The following ADSS2 variants were observed in gnomAD, a reference collection of about 807,000 sequenced individuals.
ADSS2 encodes adenylosuccinate synthetase isozyme 2.
ADSS2 carries 30 observed loss-of-function variants against 60.0 expected under a neutral mutation model. The observed-to-expected ratio is 0.50, with a 90% CI of 0.37 to 0.68. The LOEUF is 0.68. Ranked by LOEUF, ADSS2 falls within the 30% of genes least tolerant of loss-of-function variation. The pLI, the probability that ADSS2 is intolerant of heterozygous loss-of-function variation, is 0.00. For synonymous variants in ADSS2, 187 were observed against 193.1 expected (o/e 0.97, Z 0.26); for missense variants, 373 against 554.8 (o/e 0.67, Z 3.29).
intron 1 of ADSS2, among the ~76,000 whole-genome samples, chr1:244,443,901 CAACA>C (rs1222344412): frequency 6.6e-6 from 1 of 152,140 alleles, no homozygotes; most frequent in East Asian, 1.9e-4. Context: ...ATCAGTGCCA[CAACA>C]CTGCATGGCA....
intron 3 of ADSS2, among the ~76,000 whole-genome samples, chr1:244,434,257 G>A (rs937017525): frequency 6.6e-6 from 1 of 151,516 alleles, no homozygotes; most frequent in Non-Finnish European, 1.5e-5. Flanking sequence ...TCGGGAGGCC[G>A]AAGCAGGAGG....
chr1:244,430,983 T>C (rs1178035642), intron 4 of ADSS2, among the ~76,000 whole-genome samples: 1 of 151,964 alleles, frequency 6.6e-6, no homozygotes, highest in Non-Finnish European at 1.5e-5. Flanking sequence ...TAGCTGGGCA[T>C]GGTAGCACAC....
chr1:244,412,215 G>C (rs1393170999), intron 11 of ADSS2, among the ~76,000 whole-genome samples: 1 of 152,206 alleles, frequency 6.6e-6, no homozygotes, highest in Non-Finnish European at 1.5e-5. Flanking sequence ...GATCAGTGAA[G>C]GCTTTTTTGC....
chr1:244,410,251 A>G (rs1329529622), intron 12 of ADSS2, among the ~76,000 whole-genome samples: 1 of 152,220 alleles, frequency 6.6e-6, no homozygotes, highest in African/African-American at 2.4e-5. Context: ...GCAACTAGTA[A>G]TTTGGAAAAC....
intron 4 of ADSS2, among the ~76,000 whole-genome samples, chr1:244,425,485 A>G (rs1664783125): frequency 6.6e-6 from 1 of 152,210 alleles, no homozygotes; most frequent in African/African-American, 2.4e-5. Context: ...CTGTAAAAGA[A>G]CTATTTAGAA....
intron 5 of ADSS2, 26 bp from the exon 6 acceptor site, chr1:244,424,086 T>A (rs1469397418): frequency 5.1e-6 from 8 of 1,583,622 alleles, no homozygotes; most frequent in Admixed American, 1.8e-5. Flanking sequence ...AAACAAGCTT[T>A]AAGTCAGACA....
At position 244,411,198 on chromosome 1, in the gene ADSS2, G is replaced by A. The variant is rs557450945; in HGVS notation, c.1318+89C>T. 1.8e-4 allele frequency: 237 copies of A among 1,354,140 alleles called. 1 individual carries two copies. In the East Asian group the frequency reaches 5.3e-3, roughly 30 times the overall value. The allele number at this position is 1,354,140 out of a possible 1,614,324, so 83.9% of individuals were successfully genotyped here. On this transcript the variant is annotated intron_variant, in intron 12 of 12. Transcript: ENST00000366535. Reference sequence around the variant, plus strand: ...ATCCCGCCACTGCACTCCAGCCTGGGACAGAGCGAGACTCCGTCTCAAAAA... The same window carrying A: ...ATCCCGCCACTGCACTCCAGCCTGGAACAGAGCGAGACTCCGTCTCAAAAA...
At chr1:244,419,520 A>G (rs1259249669) in intron 8 of ADSS2, among the ~76,000 whole-genome samples, 1 of 152,212 alleles carries the variant, frequency 6.6e-6, no homozygotes, top group African/African-American at 2.4e-5. Context: ...TCAAAAATAC[A>G]TATCTACCAT....
chr1:244,451,197 G>A lies in ADSS2; in HGVS notation c.183+438C>T, dbSNP rs974998040. Reference sequence around the variant, plus strand: ...CACTCCGCCGCCCTGGGCGGGGCGGGGGGGCGGTGATGGGGGGTTCTGCCG... The same window carrying A: ...CACTCCGCCGCCCTGGGCGGGGCGGAGGGGCGGTGATGGGGGGTTCTGCCG... On this transcript the variant is annotated intron_variant, in intron 1 of 12. Transcript: ENST00000366535. The surrounding 1 kb of genome is among the most constrained non-coding windows in gnomAD (Gnocchi z 6.6). Among the ~76,000 whole-genome samples the A allele has an allele frequency of 6.6e-6, 1 of 152,052 alleles. No individual in the cohort carries two copies. The highest frequency in any genetic ancestry group is 1.5e-5 in the Non-Finnish European group (1 of 67,998).
rs151234694 is a variant in ADSS2, at chr1:244,442,518, A to G, written c.184-4750T>C. ...ATTTAAGTTGTTTCCGTATGGAAAC[A>G]TTGTTAAATATACCCAGAAACACCC... On this transcript the variant is annotated intron_variant, in intron 1 of 12. Transcript: ENST00000366535. Among the ~76,000 whole-genome samples the G allele has an allele frequency of 3.4e-3, 511 of 152,338 alleles. 5 individuals are homozygous for G. Among genetic ancestry groups the G allele is most frequent in the African/African-American group, 0.012 (487 of 41,578 alleles).
At chr1:244,421,124 TATTACTGTAAC>T (rs1342532497) in intron 7 of ADSS2, among the ~76,000 whole-genome samples, 1 of 152,218 alleles carries the variant, frequency 6.6e-6, no homozygotes, top group African/African-American at 2.4e-5. Context: ...AATTTTATCC[TATTACTGTAAC>T]ATGTCTATCT....
intron 1 of ADSS2, among the ~76,000 whole-genome samples, chr1:244,445,065 G>A (rs1665351582): frequency 1.3e-5 from 2 of 152,172 alleles, no homozygotes; most frequent in African/African-American, 4.8e-5. Context: ...TTTGAGTACT[G>A]AGAAGGAAAG....
At chr1:244,428,498 AGAAG>A (rs60116651) in intron 4 of ADSS2, among the ~76,000 whole-genome samples, 132 of 150,700 alleles carry the variant, frequency 8.8e-4, no homozygotes, top group African/African-American at 1.4e-3. Context: ...GAGGAAGCAA[AGAAG>A]GAAGGAAGGA....
chr1:244,440,373 C>T (rs911961275), intron 1 of ADSS2, among the ~76,000 whole-genome samples: 1 of 152,148 alleles, frequency 6.6e-6, no homozygotes, highest in Admixed American at 6.6e-5. Context: ...CCTATTTACA[C>T]GGTGTTTTGC....
chr1:244,432,039 A>G (rs1664957935), intron 4 of ADSS2, among the ~76,000 whole-genome samples: 1 of 152,230 alleles, frequency 6.6e-6, no homozygotes, highest in Admixed American at 6.5e-5. Context: ...AAATCATGTC[A>G]CTGCTAATTA....
At chr1:244,441,232 G>C (rs530990626) in intron 1 of ADSS2, among the ~76,000 whole-genome samples, 2 of 152,018 alleles carry the variant, frequency 1.3e-5, no homozygotes, top group Admixed American at 1.3e-4. Flanking sequence ...CTAATTTTTT[G>C]TATTTTTAGT....
intron 4 of ADSS2, among the ~76,000 whole-genome samples, chr1:244,429,717 T>C (rs574484307): frequency 2.5e-4 from 38 of 152,056 alleles, no homozygotes; most frequent in South Asian, 8.3e-4. Flanking sequence ...CTGTCTCTAC[T>C]AAAAACACAA....
intron 4 of ADSS2, among the ~76,000 whole-genome samples, chr1:244,426,313 T>C (rs1664801990): frequency 6.6e-6 from 1 of 152,166 alleles, no homozygotes; most frequent in African/African-American, 2.4e-5. Context: ...AAATAAATGG[T>C]TGATGGAAAG....
chr1:244,446,381 T>C (rs1665384580), intron 1 of ADSS2, among the ~76,000 whole-genome samples: 2 of 152,162 alleles, frequency 1.3e-5, no homozygotes, highest in Admixed American at 6.5e-5. Context: ...TTGATCAAAT[T>C]TAACTATGTA....
Sources: allele counts gnomAD v4.1 joint callset (sites outside exome capture counted in the v4.1 genomes callset), GRCh38; gene constraint gnomAD v4.1.1; non-coding constraint Gnocchi (gnomAD v3.1); transcripts MANE v1.5; gene names NCBI Gene and HGNC (gene_info 2026-07-23, HGNC 2026-07-21).